Variants in PLCXD3 observed in about 807,000 individuals in gnomAD.
The protein encoded by PLCXD3 is PI-PLC X domain-containing protein 3.
In PLCXD3, 19 loss-of-function variants were observed where a neutral mutation model predicts 25.5. The observed-to-expected ratio is 0.75, with a 90% CI of 0.52 to 1.09. PLCXD3 has a LOEUF of 1.09. PLCXD3 is among the 50% of genes least tolerant of loss of function. The probability of loss-of-function intolerance (pLI) is 0.00; values close to 1 mark genes in which losing one functional copy is unlikely to be tolerated. For missense variants in PLCXD3, 411 were observed against 388.1 expected (o/e 1.06, Z -0.50); for synonymous variants, 174 against 137.6 (o/e 1.26, Z -1.85).
At chr5:41,450,600 AG>A (rs1393547332) in intron 1 of PLCXD3, among the ~76,000 whole-genome samples, 1 of 152,118 alleles carries the variant, frequency 6.6e-6, no homozygotes. Context: ...CTAGTAGTAA[AG>A]AAAGAGGCAA....
intron 2 of PLCXD3, among the ~76,000 whole-genome samples, chr5:41,331,820 C>A (rs1743815739): frequency 6.6e-6 from 1 of 151,946 alleles, no homozygotes; most frequent in Non-Finnish European, 1.5e-5. Flanking sequence ...TTTGACAAAC[C>A]TGAGAAAAAA....
At chr5:41,403,994 G>T (rs144523505) in intron 1 of PLCXD3, among the ~76,000 whole-genome samples, 102 of 152,226 alleles carry the variant, frequency 6.7e-4, no homozygotes, top group African/African-American at 2.3e-3. Context: ...ATATATGGTT[G>T]CTCAATAAAG....
At chr5:41,349,028 G>A (rs1460824530) in intron 2 of PLCXD3, among the ~76,000 whole-genome samples, 1 of 152,188 alleles carries the variant, frequency 6.6e-6, no homozygotes, top group Non-Finnish European at 1.5e-5. Context: ...TGATTTTAAT[G>A]TGATTTACTC....
intron 2 of PLCXD3, among the ~76,000 whole-genome samples, chr5:41,327,830 G>A (rs968031388): frequency 5.9e-5 from 9 of 152,030 alleles, no homozygotes; most frequent in Non-Finnish European, 8.8e-5. Flanking sequence ...TTTAGAGACA[G>A]TGTCTCACTC....
chr5:41,495,820 A>G (rs1176209929), intron 1 of PLCXD3, among the ~76,000 whole-genome samples: 2 of 152,170 alleles, frequency 1.3e-5, no homozygotes, highest in African/African-American at 4.8e-5. Flanking sequence ...TTTCAAGTGC[A>G]TAAATACCAA....
At chr5:41,426,127 T>A (rs1256249921) in intron 1 of PLCXD3, among the ~76,000 whole-genome samples, 1 of 152,172 alleles carries the variant, frequency 6.6e-6, no homozygotes, top group Non-Finnish European at 1.5e-5. Context: ...ATTGTCAGTG[T>A]TCTGGATTTG....
At chr5:41,334,916 T>G (rs75854233) in intron 2 of PLCXD3, among the ~76,000 whole-genome samples, 2,629 of 152,290 alleles carry the variant, frequency 0.017, 91 homozygotes, top group African/African-American at 0.061. Flanking sequence ...GGGACTATTT[T>G]GTCTTCTAGT....
In PLCXD3 at chr5:41,375,344, C is replaced by T. The variant is rs144378971; in HGVS notation, c.812+6482G>A. ...GTTAGTATGTGCAGCCTGGTATGCT[C>T]TGCCCCCTTCACCCCTAGGTTTTCT... On this transcript the variant is annotated intron_variant, in intron 2 of 2. Transcript: ENST00000377801. Among the ~76,000 whole-genome samples, 436 of 152,192 alleles carry T rather than the reference C, an allele frequency of 2.9e-3. 2 individuals carry two copies. The highest frequency in any genetic ancestry group is 4.7e-3 in the Non-Finnish European group (318 of 67,994).
chr5:41,345,885 A>C lies in PLCXD3; in HGVS notation c.813-32115T>G, dbSNP rs200880918. Among the ~76,000 whole-genome samples, 5 of 77,556 alleles carry C rather than the reference A, an allele frequency of 6.4e-5. No individual in the cohort carries two copies. The South Asian group carries it at 1.6e-3, about 26-fold the overall frequency. The allele number at this position is 77,556 out of a possible 152,430, so 50.9% of individuals were successfully genotyped here. A position where few individuals can be genotyped will look rare whatever the true frequency, so the allele number is the denominator to read the frequency against. ...TTTTCTTTTTTCTTTTCTTTTTTTT[A>C]TTTTTTCTTTTTGAGACGGAGTCTC... On this transcript the variant is annotated intron_variant, in intron 2 of 2. Transcript: ENST00000377801.
chr5:41,464,205 A>G (rs1482594952), intron 1 of PLCXD3, among the ~76,000 whole-genome samples: 1 of 152,048 alleles, frequency 6.6e-6, no homozygotes, highest in Non-Finnish European at 1.5e-5. Context: ...TCTGTAATCT[A>G]TAGCCTCAGG....
chr5:41,403,867 G>A (rs62360573), intron 1 of PLCXD3, among the ~76,000 whole-genome samples: 15,368 of 151,242 alleles, frequency 0.1, 890 homozygotes, highest in Non-Finnish European at 0.12. Flanking sequence ...ATAAACATAC[G>A]TGTGCATGTG....
At chr5:41,394,171 A>G (rs1215999583) in intron 1 of PLCXD3, among the ~76,000 whole-genome samples, 1 of 152,206 alleles carries the variant, frequency 6.6e-6, no homozygotes, top group Non-Finnish European at 1.5e-5. Flanking sequence ...TAGAGTTTTT[A>G]TTAGTTTTCT....
chr5:41,419,479 A>T (rs905572736), intron 1 of PLCXD3, among the ~76,000 whole-genome samples: 10 of 152,220 alleles, frequency 6.6e-5, no homozygotes, highest in Non-Finnish European at 7.3e-5. Flanking sequence ...TCACATCTTC[A>T]TGATGCCAAG....
chr5:41,434,637 TA>T (rs1747194448), intron 1 of PLCXD3, among the ~76,000 whole-genome samples: 1 of 152,162 alleles, frequency 6.6e-6, no homozygotes, highest in African/African-American at 2.4e-5. Context: ...TCAATAGCAT[TA>T]GGGGTATAAA....
intron 1 of PLCXD3, among the ~76,000 whole-genome samples, chr5:41,445,298 T>C (rs1250011695): frequency 6.6e-6 from 1 of 152,212 alleles, no homozygotes; most frequent in Non-Finnish European, 1.5e-5. Flanking sequence ...GCTCAGGTTC[T>C]CTCATTAAGG....
chr5:41,323,110 A>T (rs1375756592), intron 2 of PLCXD3, among the ~76,000 whole-genome samples: 1 of 152,254 alleles, frequency 6.6e-6, no homozygotes, highest in East Asian at 1.9e-4. Flanking sequence ...AAGTGAAATA[A>T]GCCAGGTACA....
chr5:41,354,417 T>G (rs538522591), intron 2 of PLCXD3, among the ~76,000 whole-genome samples: 1 of 151,066 alleles, frequency 6.6e-6, no homozygotes, highest in East Asian at 1.9e-4. Flanking sequence ...AGCCAGAAGC[T>G]TCTCTCTTTT....
Position 41,307,433 on chromosome 5 carries a change from T to C in PLCXD3, c.*6184A>G, listed in dbSNP as rs140001739. On this transcript the variant is annotated 3_prime_UTR_variant, in exon 3 of 3. Coordinates refer to ENST00000377801, the MANE Select transcript of PLCXD3 (RefSeq NM_001005473.3). ...TTAGGAATTCCAACATGGTTCTATT[T>C]TCTGCATTGTTTTAGAAACCAGCCT... 6.6e-6 allele frequency: 1 copy of C among 152,574 alleles called. No homozygotes were observed. The highest frequency in any genetic ancestry group is 1.5e-5 in the Non-Finnish European group (1 of 68,026). 9.5% of individuals were successfully genotyped at this position (152,574 alleles called of 1,614,324 possible).
At chr5:41,418,779 C>G (rs978858424) in intron 1 of PLCXD3, among the ~76,000 whole-genome samples, 20 of 152,184 alleles carry the variant, frequency 1.3e-4, no homozygotes. Context: ...GTTTGTTATT[C>G]CAGCAATGAC....
Sources: allele counts gnomAD v4.1 joint callset (sites outside exome capture counted in the v4.1 genomes callset), GRCh38; gene constraint gnomAD v4.1.1; transcripts MANE v1.5; gene names NCBI Gene and HGNC (gene_info 2026-07-23, HGNC 2026-07-21).